Variants in CREBBP observed in about 807,000 individuals in gnomAD.
The protein encoded by CREBBP is CREB binding lysine acetyltransferase.
Under a neutral mutation model 265.0 loss-of-function variants are expected in CREBBP, and 19 were observed. The observed-to-expected ratio is 0.07, with a 90% CI of 0.05 to 0.11. The LOEUF is 0.11. Ranked by LOEUF, CREBBP falls within the 10% of genes least tolerant of loss-of-function variation. The pLI is 1.00. For synonymous variants in CREBBP, 1,457 were observed against 1,223.7 expected (o/e 1.19, Z -3.98); for missense variants, 2,525 against 3,219.0 (o/e 0.78, Z 5.22).
intron 7 of CREBBP, 32 bp downstream of exon 7, chr16:3,781,172 G>C (rs1342160966): frequency 2.6e-6 from 4 of 1,564,874 alleles, no homozygotes; most frequent in Non-Finnish European, 3.5e-6. Flanking sequence ...GCTCCTGTTG[G>C]ACTGTCACTC....
At chr16:3,779,826 A>AG (rs577729050) in intron 8 of CREBBP, among the ~76,000 whole-genome samples, 79 of 152,360 alleles carry the variant, frequency 5.2e-4, no homozygotes, top group African/African-American at 1.8e-3. Flanking sequence ...CAACAACGTT[A>AG]GGCTTGGTGT....
chr16:3,734,450 G>A (rs545455586), intron 28 of CREBBP, among the ~76,000 whole-genome samples: 1 of 152,284 alleles, frequency 6.6e-6, no homozygotes, highest in South Asian at 2.1e-4. Flanking sequence ...TATCAGGCCT[G>A]TCTTCTGGAC....
intron 5 of CREBBP, 48 bp from the exon 6 acceptor site, chr16:3,782,974 G>A (rs1430645947): frequency 6.2e-7 from 1 of 1,613,052 alleles, no homozygotes; most frequent in East Asian, 2.2e-5. Context: ...GTAAGTAAAA[G>A]GGAGAAGCCC....
At chr16:3,775,378 G>C (rs1281089767) in intron 11 of CREBBP, among the ~76,000 whole-genome samples, 2 of 152,212 alleles carry the variant, frequency 1.3e-5, no homozygotes, top group African/African-American at 4.8e-5. Context: ...GCGGTGTCTA[G>C]TTCCTTCCAA....
At chr16:3,740,832 C>T (rs980496973) in intron 23 of CREBBP, 159 of 457,350 alleles carry the variant, frequency 3.5e-4, no homozygotes, top group Non-Finnish European at 5.7e-4. Context: ...AGCGGTGGGT[C>T]CAAAATTGAC....
At chr16:3,824,988 T>C (rs556832301) in intron 2 of CREBBP, among the ~76,000 whole-genome samples, 1 of 152,298 alleles carries the variant, frequency 6.6e-6, no homozygotes, top group Admixed American at 6.5e-5. Context: ...CTCTGAAAAC[T>C]ACAAAGCACT....
At chr16:3,772,337 AC>A in intron 13 of CREBBP, among the ~76,000 whole-genome samples, 1 of 148,650 alleles carries the variant, frequency 6.7e-6, no homozygotes, top group Non-Finnish European at 1.5e-5. Flanking sequence ...AAACACACAC[AC>A]ACACACACAC....
chr16:3,879,737 C>CG (rs2055485107), intron 1 of CREBBP, 95 bp downstream of exon 1: 1 of 1,334,116 alleles, frequency 7.5e-7, no homozygotes, highest in Non-Finnish European at 1.0e-6. Context: ...GCTCCCGGCT[C>CG]GATCGGTATC....
In CREBBP at chr16:3,880,361, C is replaced by G. The variant is rs1329775409; in HGVS notation, c.-445G>C. ...CCCCACTTAATGAATTCGCTCGCGG[C>G]CCGACGACGAGGGGGCTCCGGGCTC... On this transcript the variant is annotated 5_prime_UTR_variant, in exon 1 of 31. Transcript: ENST00000262367. 1 of 142,478 alleles carries G rather than the reference C, an allele frequency of 7.0e-6. No homozygotes were observed. The highest frequency in any genetic ancestry group is 2.6e-5 in the African/African-American group (1 of 39,086). 8.8% of individuals were successfully genotyped at this position (142,478 alleles called of 1,614,324 possible).
intron 3 of CREBBP, among the ~76,000 whole-genome samples, chr16:3,800,124 T>G (rs1199207373): frequency 6.6e-6 from 1 of 152,156 alleles, no homozygotes. Context: ...CCAGTAAAAA[T>G]TCTTTTTATT....
At chr16:3,870,204 A>G (rs2055265805) in intron 1 of CREBBP, among the ~76,000 whole-genome samples, 1 of 152,206 alleles carries the variant, frequency 6.6e-6, no homozygotes, top group South Asian at 2.1e-4. Flanking sequence ...CATTAAAAGA[A>G]TTTCCTACTA....
chr16:3,778,370 T>G (rs1402096705), intron 9 of CREBBP, among the ~76,000 whole-genome samples, 188 bp from the exon 10 acceptor site: 1 of 152,234 alleles, frequency 6.6e-6, no homozygotes, highest in Non-Finnish European at 1.5e-5. Context: ...ACATATCAAA[T>G]AGTAGGTACT....
chr16:3,807,006 G>A (rs1412278406), intron 3 of CREBBP, among the ~76,000 whole-genome samples: 1 of 152,158 alleles, frequency 6.6e-6, no homozygotes, highest in Non-Finnish European at 1.5e-5. Flanking sequence ...CTGAACCGCT[G>A]AGTGCTACGC....
At chr16:3,873,027 G>A (rs576920972) in intron 1 of CREBBP, among the ~76,000 whole-genome samples, 1 of 152,316 alleles carries the variant, frequency 6.6e-6, no homozygotes, top group Non-Finnish European at 1.5e-5. Context: ...GCACTTGACT[G>A]CATTTCTGTA....
intron 13 of CREBBP, 89 bp from the exon 14 acceptor site, chr16:3,771,075 A>C: frequency 6.5e-7 from 1 of 1,529,686 alleles, no homozygotes; most frequent in Non-Finnish European, 8.9e-7. Flanking sequence ...ATGAAAAAAA[A>C]ATTTTTTTTT....
At chr16:3,794,065 C>T (rs879754421) in intron 3 of CREBBP, among the ~76,000 whole-genome samples, 3 of 152,224 alleles carry the variant, frequency 2.0e-5, no homozygotes, top group South Asian at 2.1e-4. Flanking sequence ...CGTTGGCTCA[C>T]GCCTGTAATC....
At position 3,729,144 on chromosome 16, in the gene CREBBP, T is replaced by C; in HGVS notation, c.5903A>G (p.Gln1968Arg). The change falls in exon 31 of 31, where the codon CAG (glutamine) becomes CGG (arginine). Residue 1968 changes from glutamine to arginine, a missense_variant. Physicochemically the swap from Gln to Arg is conservative, Grantham distance 43. This residue lies in a region of CREBBP where 275 missense variants were observed against 276.5 expected (regional missense o/e 0.99). Coordinates refer to ENST00000262367, the MANE Select transcript of CREBBP (RefSeq NM_004380.3). ...GTTCACCCGGTACAGGTGCTGCTGCTGCTGGGCCTCACGCTCGATCTGCCG... is the reference window on the plus strand; with the variant it reads ...GTTCACCCGGTACAGGTGCTGCTGCCGCTGGGCCTCACGCTCGATCTGCCG... ...AARQIEREAQ[Q>R]QQHLYRVNIN... is the part of the protein sequence containing the mutation. 6.9e-7 allele frequency: 1 copy of C among 1,438,860 alleles called. No homozygotes were observed. The highest frequency in any genetic ancestry group is 9.2e-7 in the Non-Finnish European group (1 of 1,085,350). 89.1% of individuals were successfully genotyped at this position (1,438,860 alleles called of 1,614,324 possible). A position where few individuals can be genotyped will look rare whatever the true frequency, so the allele number is the denominator to read the frequency against.
At chr16:3,799,195 TGGTA>T (rs1567322520) in intron 3 of CREBBP, among the ~76,000 whole-genome samples, 2 of 152,220 alleles carry the variant, frequency 1.3e-5, no homozygotes, top group Non-Finnish European at 2.9e-5. Flanking sequence ...TAACTGCTAA[TGGTA>T]CTAGGTTTCT....
chr16:3,789,003 A>G (rs140035895), intron 5 of CREBBP, among the ~76,000 whole-genome samples: 1 of 152,230 alleles, frequency 6.6e-6, no homozygotes, highest in African/African-American at 2.4e-5. Context: ...AAAGGTAATC[A>G]ATGGTCTGGG....
Sources: gnomAD v4.1 joint callset for allele counts (sites outside exome capture counted in the v4.1 genomes callset) on GRCh38, gnomAD v4.1.1 for gene constraint, gnomAD v4.1.1 regional missense constraint, MANE v1.5 for transcripts, NCBI Gene and HGNC (gene_info 2026-07-23, HGNC 2026-07-21) for gene names.